THSD7B: variants seen among roughly 807,000 people sequenced by gnomAD.
THSD7B encodes thrombospondin type-1 domain-containing protein 7B.
In THSD7B, 138 loss-of-function variants were observed where a neutral mutation model predicts 213.6. The ratio of observed to expected loss-of-function variants is 0.65; its 90% CI spans 0.56 to 0.74. The LOEUF is 0.74. Among genes scored for constraint, THSD7B ranks in the 30% least tolerant of loss-of-function variants. The probability of loss-of-function intolerance (pLI) is 0.00; values close to 1 mark genes in which losing one functional copy is unlikely to be tolerated. For missense variants in THSD7B, 1,931 were observed against 1,991.5 expected (o/e 0.97, Z 0.58); for synonymous variants, 742 against 687.0 (o/e 1.08, Z -1.25).
chr2:137,087,411 C>T (rs532014886), intron 3 of THSD7B, among the ~76,000 whole-genome samples: 79 of 152,276 alleles, frequency 5.2e-4, no homozygotes, highest in Non-Finnish European at 9.6e-4. Context: ...TACCTAAAGC[C>T]TCCTGCAGAA....
chr2:137,233,993 A>C (rs538229404), intron 9 of THSD7B, among the ~76,000 whole-genome samples: 1 of 152,346 alleles, frequency 6.6e-6, no homozygotes, highest in Admixed American at 6.5e-5. Context: ...TAGTGTCATA[A>C]GCTAGGCAAC....
At chr2:136,842,043 A>G (rs557662984) in intron 1 of THSD7B, among the ~76,000 whole-genome samples, 2 of 152,356 alleles carry the variant, frequency 1.3e-5, no homozygotes, top group Non-Finnish European at 2.9e-5. Context: ...CTATCATGAT[A>G]GCAAACTTTG....
chr2:136,996,478 A>G (rs1291861319), intron 2 of THSD7B, among the ~76,000 whole-genome samples: 1 of 151,914 alleles, frequency 6.6e-6, no homozygotes, highest in Non-Finnish European at 1.5e-5. Flanking sequence ...AGTAGATGGC[A>G]CTACAGGCAT....
intron 12 of THSD7B, among the ~76,000 whole-genome samples, chr2:137,365,500 AG>A (rs1422222689): frequency 6.6e-6 from 1 of 152,228 alleles, no homozygotes; most frequent in Non-Finnish European, 1.5e-5. Context: ...CATCTGACAA[AG>A]GGCTAATATC....
In THSD7B at chr2:137,448,800, A is replaced by AAACAACAACAAC. The variant is rs147631065; in HGVS notation, c.2960-2018_2960-2007dup. 8.9e-3 allele frequency among the ~76,000 whole-genome samples: 1,296 copies of AAACAACAACAAC among 144,984 alleles called. 14 individuals are homozygous for AAACAACAACAAC. The highest frequency in any genetic ancestry group is 0.033 in the African/African-American group (1,217 of 37,094). On this transcript the variant is annotated intron_variant, in intron 14 of 27. Transcript: ENST00000409968. Reference sequence around the variant, plus strand: ...GGCGACAGAGCGAGACTCCATCTCAAAACAACAACAACAACAACAACAACA... The same window carrying AAACAACAACAAC: ...GGCGACAGAGCGAGACTCCATCTCAAAACAACAACAACAACAACAACAACAACAACAACAACA...
chr2:136,948,066 C>T (rs868374591), intron 2 of THSD7B, among the ~76,000 whole-genome samples: 5 of 152,294 alleles, frequency 3.3e-5, no homozygotes, highest in African/African-American at 1.2e-4. Flanking sequence ...TAAACTAAGC[C>T]TTATCACTTA....
At chr2:137,516,821 G>T (rs998943772) in intron 15 of THSD7B, among the ~76,000 whole-genome samples, 1 of 152,172 alleles carries the variant, frequency 6.6e-6, no homozygotes, top group Non-Finnish European at 1.5e-5. Flanking sequence ...CCTCTACCTA[G>T]AAAAATAGTA....
chr2:137,616,595 A>C (rs537540087), intron 18 of THSD7B, among the ~76,000 whole-genome samples: 1 of 152,172 alleles, frequency 6.6e-6, no homozygotes, highest in East Asian at 1.9e-4. Context: ...GCCATGATAA[A>C]CTGAAACAAC....
At chr2:137,662,062 C>CTT (rs778872364) in intron 25 of THSD7B, among the ~76,000 whole-genome samples, 24 of 132,668 alleles carry the variant, frequency 1.8e-4, no homozygotes, top group East Asian at 6.6e-4. Flanking sequence ...TTTCTTTTTT[C>CTT]TTTTTTTTTT....
At chr2:137,366,705 A>G (rs1355353393) in intron 12 of THSD7B, among the ~76,000 whole-genome samples, 1 of 151,774 alleles carries the variant, frequency 6.6e-6, no homozygotes, top group Non-Finnish European at 1.5e-5. Flanking sequence ...AAAGGCAAAT[A>G]AAAGATAAAC....
At chr2:136,970,773 A>G (rs920374167) in intron 2 of THSD7B, among the ~76,000 whole-genome samples, 1 of 152,218 alleles carries the variant, frequency 6.6e-6, no homozygotes, top group Non-Finnish European at 1.5e-5. Flanking sequence ...AGACATAAAG[A>G]GAACATTTTA....
chr2:136,942,523 C>T (rs1278569879), intron 2 of THSD7B, among the ~76,000 whole-genome samples: 1 of 152,184 alleles, frequency 6.6e-6, no homozygotes, highest in East Asian at 1.9e-4. Flanking sequence ...TCTTCTATTT[C>T]ACTGAGCAGT....
intron 15 of THSD7B, among the ~76,000 whole-genome samples, chr2:137,455,282 G>T (rs1367255902): frequency 1.3e-5 from 2 of 152,046 alleles, no homozygotes; most frequent in African/African-American, 2.4e-5. Context: ...TTAGAACTCT[G>T]GTCTCTTATG....
At position 137,642,585 on chromosome 2, in the gene THSD7B, C is replaced by A. The variant is rs1426687088; in HGVS notation, c.3897C>A (p.Thr1299=). The A allele has an allele frequency of 6.2e-7, 1 of 1,613,866 alleles. No individual in the cohort carries two copies. The highest frequency in any genetic ancestry group is 2.2e-5 in the East Asian group (1 of 44,866). Residue 1299 remains threonine, a synonymous_variant, in exon 21 of 28, where the codon ACC becomes ACA. Coordinates refer to ENST00000409968, the MANE Select transcript of THSD7B (RefSeq NM_001316349.2). The stretch of plus-strand genomic sequence containing the variant: ...CCCAGGAGAAAACCTGCCCAGTGAC[C>A]CCCTGCTACAGCTGGGTCCTTGGCA... ...ELTQEKTCPV[T]PCYSWVLGNW...
intron 12 of THSD7B, among the ~76,000 whole-genome samples, chr2:137,310,820 T>C (rs1203256577): frequency 7.2e-5 from 11 of 152,086 alleles, no homozygotes; most frequent in African/African-American, 2.4e-4. Context: ...GTTGTAGATA[T>C]GCGGCGTTAT....
At chr2:137,379,524 T>C (rs896349165) in intron 12 of THSD7B, among the ~76,000 whole-genome samples, 1 of 152,188 alleles carries the variant, frequency 6.6e-6, no homozygotes, top group South Asian at 2.1e-4. Context: ...ACAAACTGAG[T>C]GCAGCACAGG....
intron 12 of THSD7B, among the ~76,000 whole-genome samples, chr2:137,304,152 T>C (rs1389755596): frequency 6.6e-6 from 1 of 152,124 alleles, no homozygotes; most frequent in Admixed American, 6.5e-5. Flanking sequence ...TTTTTATGGC[T>C]GCATAGTATT....
intron 2 of THSD7B, among the ~76,000 whole-genome samples, chr2:136,973,617 T>C (rs1411856262): frequency 6.6e-6 from 1 of 152,184 alleles, no homozygotes; most frequent in Non-Finnish European, 1.5e-5. Flanking sequence ...ACTTTTTTGA[T>C]CAAAACCAAA....
chr2:137,209,962 C>T (rs1470066749), intron 7 of THSD7B, among the ~76,000 whole-genome samples: 1 of 152,026 alleles, frequency 6.6e-6, no homozygotes, highest in East Asian at 1.9e-4. Context: ...GGAAGTTGGG[C>T]CTACAAAGGG....
Sources: allele counts gnomAD v4.1 joint callset (sites outside exome capture counted in the v4.1 genomes callset), GRCh38; gene constraint gnomAD v4.1.1; transcripts MANE v1.5; gene names NCBI Gene and HGNC (gene_info 2026-07-23, HGNC 2026-07-21).